PTPN4: variants seen among roughly 807,000 people sequenced by gnomAD.
PTPN4 encodes tyrosine-protein phosphatase non-receptor type 4.
A neutral mutation model predicts 135.5 loss-of-function variants in PTPN4; 49 were observed. The observed-to-expected ratio is 0.36, with a 90% CI of 0.29 to 0.46. The LOEUF (loss-of-function observed/expected upper bound fraction) is 0.46, where lower values mean the gene tolerates loss of function less well. Among genes scored for constraint, PTPN4 ranks in the 20% least tolerant of loss-of-function variants. PTPN4 has a pLI of 1.00. For missense variants in PTPN4, 860 were observed against 1,101.0 expected, an observed-to-expected ratio of 0.78 and a Z score of 3.10; for synonymous variants, 333 against 369.9, an observed-to-expected ratio of 0.90 and a Z score of 1.14.
chr2:119,795,459 C>T (rs982960163), intron 1 of PTPN4, among the ~76,000 whole-genome samples: 26 of 152,234 alleles, frequency 1.7e-4, no homozygotes, highest in Admixed American at 1.4e-3. Flanking sequence ...CGTTGGCACC[C>T]AAAGTCCAGA....
At chr2:119,876,936 T>TGC (rs1473523286) in intron 3 of PTPN4, among the ~76,000 whole-genome samples, 16 of 146,234 alleles carry the variant, frequency 1.1e-4, no homozygotes, top group African/African-American at 4.2e-4. Context: ...TGTGTGTGTG[T>TGC]GTGTGCGTGA....
chr2:119,884,711 C>T (rs904604611), intron 8 of PTPN4, among the ~76,000 whole-genome samples: 4 of 152,044 alleles, frequency 2.6e-5, no homozygotes, highest in Admixed American at 1.3e-4. Context: ...GTAAATGATT[C>T]ATCAGATCTT....
intron 3 of PTPN4, among the ~76,000 whole-genome samples, chr2:119,876,318 G>T (rs1239916001): frequency 6.6e-6 from 1 of 152,128 alleles, no homozygotes; most frequent in South Asian, 2.1e-4. Context: ...AACTGGGAGA[G>T]CAATTAAGAG....
At position 119,961,797 on chromosome 2, in the gene PTPN4, G is replaced by A. The variant is rs554458693; in HGVS notation, c.2281-819G>A. On this transcript the variant is annotated intron_variant, in intron 23 of 26. Transcript: ENST00000263708. ...AAAGAGGTCAAAAAGACCACATAGT[G>A]TATGATTGCATTTATATGAAATGTC... Among the ~76,000 whole-genome samples, 20 of 152,306 alleles carry A rather than the reference G, an allele frequency of 1.3e-4. 2 individuals carry two copies. The highest frequency in any genetic ancestry group is 9.7e-4 in the East Asian group (5 of 5,180).
intron 19 of PTPN4, 150 bp from the exon 20 acceptor site, chr2:119,955,007 C>T: frequency 1.5e-6 from 1 of 660,850 alleles, no homozygotes. Flanking sequence ...TCTGTCCCCC[C>T]ATAGTGACAC....
intron 9 of PTPN4, among the ~76,000 whole-genome samples, chr2:119,898,118 A>T (rs1401758953): frequency 6.6e-6 from 1 of 152,180 alleles, no homozygotes; most frequent in Non-Finnish European, 1.5e-5. Flanking sequence ...CCTTTTCCAC[A>T]TGTAGTTTGA....
intron 9 of PTPN4, among the ~76,000 whole-genome samples, chr2:119,896,032 AT>A (rs1008133228): frequency 1.3e-5 from 2 of 152,164 alleles, no homozygotes; most frequent in Admixed American, 6.5e-5. Flanking sequence ...TTTAAATATC[AT>A]TTTTTTCCTG....
At chr2:119,962,041 A>G (rs1679373695) in intron 23 of PTPN4, among the ~76,000 whole-genome samples, 1 of 152,224 alleles carries the variant, frequency 6.6e-6, no homozygotes, top group South Asian at 2.1e-4. Flanking sequence ...AGTGAACGGT[A>G]TGGTACATGA....
At chr2:119,834,071 C>T (rs900569959) in intron 2 of PTPN4, among the ~76,000 whole-genome samples, 1 of 152,180 alleles carries the variant, frequency 6.6e-6, no homozygotes, top group African/African-American at 2.4e-5. Context: ...TTTATGGGTA[C>T]ATATGATACA....
At chr2:119,820,007 A>G (rs1455506837) in intron 2 of PTPN4, among the ~76,000 whole-genome samples, 1 of 152,118 alleles carries the variant, frequency 6.6e-6, no homozygotes, top group African/African-American at 2.4e-5. Context: ...GACTACGGGC[A>G]TGCGCCACCA....
At position 119,830,806 on chromosome 2, in the gene PTPN4, G is replaced by C. The variant is rs181018774; in HGVS notation, c.138+20815G>C. 3.3e-5 allele frequency among the ~76,000 whole-genome samples: 5 copies of C among 152,174 alleles called. No individual in the cohort carries two copies. In the East Asian group the frequency reaches 9.7e-4, roughly 29 times the overall value. On this transcript the variant is annotated intron_variant, in intron 2 of 26. Coordinates refer to ENST00000263708, the MANE Select transcript of PTPN4 (RefSeq NM_002830.4). ...CTGCTTCTGCCACATGAGACACCTT[G>C]CTCTCTCTTTGCCTTCCACTATGAT...
intron 1 of PTPN4, among the ~76,000 whole-genome samples, chr2:119,773,785 T>C (rs1690779228): frequency 6.7e-6 from 1 of 149,716 alleles, no homozygotes; most frequent in Non-Finnish European, 1.5e-5. Flanking sequence ...CATGAATACA[T>C]AAAATATATA....
chr2:119,870,155 G>A (rs530098174), intron 3 of PTPN4, among the ~76,000 whole-genome samples: 1 of 152,174 alleles, frequency 6.6e-6, no homozygotes, highest in South Asian at 2.1e-4. Flanking sequence ...TATTATAACT[G>A]GTAAGACTTA....
At chr2:119,967,019 C>A (rs746054324) in intron 25 of PTPN4, among the ~76,000 whole-genome samples, 1 of 152,190 alleles carries the variant, frequency 6.6e-6, no homozygotes, top group Non-Finnish European at 1.5e-5. Context: ...AGATTATAGA[C>A]CAAAATTTGA....
At chr2:119,796,362 A>G (rs374103434) in intron 1 of PTPN4, among the ~76,000 whole-genome samples, 19 of 152,094 alleles carry the variant, frequency 1.2e-4, no homozygotes, top group African/African-American at 4.3e-4. Flanking sequence ...CAGCTCCCCC[A>G]CTGGACTCTC....
At chr2:119,795,272 A>C (rs902919201) in intron 1 of PTPN4, among the ~76,000 whole-genome samples, 1 of 152,158 alleles carries the variant, frequency 6.6e-6, no homozygotes, top group South Asian at 2.1e-4. Flanking sequence ...CCCAGCCCCC[A>C]GGCTTCAGGC....
In PTPN4 at chr2:119,962,589, TTTA is replaced by T. The variant is rs573222414; in HGVS notation, c.2281-21_2281-19del. On this transcript the variant is annotated intron_variant, in intron 23 of 26. Coordinates refer to ENST00000263708, the MANE Select transcript of PTPN4 (RefSeq NM_002830.4). ...ATGAATCCATATGTATATAATTTTA[TTTA>T]TTATTTATTTATATCAATATCAGGT... The T allele has an allele frequency of 1.1e-4, 132 of 1,222,126 alleles. 1 individual carries two copies. The African/African-American group carries it at 1.7e-3, about 16-fold the overall frequency. 75.7% of individuals were successfully genotyped at this position (1,222,126 alleles called of 1,614,324 possible). A position where few individuals can be genotyped will look rare whatever the true frequency, so the allele number is the denominator to read the frequency against.
At chr2:119,882,206 G>A in intron 7 of PTPN4, 57 bp downstream of exon 7, 1 of 1,479,872 alleles carries the variant, frequency 6.8e-7, no homozygotes, top group South Asian at 1.2e-5. Context: ...TGTGTTGCTA[G>A]TACATTGGCT....
At chr2:119,794,679 C>G (rs1458890248) in intron 1 of PTPN4, among the ~76,000 whole-genome samples, 2 of 152,206 alleles carry the variant, frequency 1.3e-5, no homozygotes, top group Non-Finnish European at 2.9e-5. Flanking sequence ...CCCTGAAGGG[C>G]TGCAGCATTT....
Sources: gnomAD v4.1 joint callset for allele counts (sites outside exome capture counted in the v4.1 genomes callset) on GRCh38, gnomAD v4.1.1 for gene constraint, MANE v1.5 for transcripts, NCBI Gene and HGNC (gene_info 2026-07-23, HGNC 2026-07-21) for gene names.